Variants in CREB3L2 observed in about 807,000 individuals in gnomAD.
CREB3L2 encodes cyclic AMP-responsive element-binding protein 3-like protein 2.
Under a neutral mutation model 57.2 loss-of-function variants are expected in CREB3L2, and 23 were observed. The observed-to-expected ratio is 0.40, with a 90% CI of 0.29 to 0.57. The LOEUF is 0.57. Among genes scored for constraint, CREB3L2 ranks in the 20% least tolerant of loss-of-function variants. CREB3L2 has a pLI of 0.42. For missense variants in CREB3L2, 628 were observed against 634.7 expected (o/e 0.99, Z 0.11); for synonymous variants, 268 against 265.1 (o/e 1.01, Z -0.11).
Position 137,905,771 on chromosome 7 carries a change from G to A in CREB3L2, c.846C>T (p.Pro282=). Residue 282 remains proline (P), a synonymous_variant, in exon 6 of 12, where the codon CCC becomes CCT. Coordinates refer to ENST00000330387, the MANE Select transcript of CREB3L2 (RefSeq NM_194071.4). ...CTGATTTTGACAGGGGCAATTTGGT[G>A]GGGATGGGATAGCCCTCAGCGATCA... ...RTLIAEGYPI[P]TKLPLSKSEE... 6.2e-7 allele frequency: 1 copy of A among 1,614,036 alleles called. No individual in the cohort carries two copies.
In CREB3L2 at chr7:137,905,737, C is replaced by A. The variant is rs1352193617; in HGVS notation, c.880G>T (p.Ala294Ser). The A allele has an allele frequency of 6.2e-7, 1 of 1,614,010 alleles. No homozygotes were observed. Among genetic ancestry groups the A allele is most frequent in the African/African-American group, 1.3e-5 (1 of 74,910 alleles). The change falls in exon 6 of 12, where the codon GCC (alanine) becomes TCC (serine). Residue 294 changes from alanine to serine, a missense_variant. By Grantham distance (99) the Ala-to-Ser change is moderately conservative. This residue lies in a region of CREB3L2 where 17 missense variants were observed against 36.6 expected (regional missense o/e 0.46). Coordinates refer to ENST00000330387, the MANE Select transcript of CREB3L2 (RefSeq NM_194071.4). ...ATCTTCCTCCGAATTTTCTTCAGGG[C>A]CTTCTCCTCTGATTTTGACAGGGGC... ...KLPLSKSEEK[A>S]LKKIRRKIKN...
At chr7:137,963,761 G>A (rs920569991) in intron 1 of CREB3L2, among the ~76,000 whole-genome samples, 4 of 152,070 alleles carry the variant, frequency 2.6e-5, no homozygotes, top group African/African-American at 9.7e-5. Flanking sequence ...ATTATGTCCA[G>A]GGATAATTAT....
In CREB3L2 at chr7:137,913,033, G is replaced by C; in HGVS notation, c.541C>G (p.Pro181Ala). 1 of 1,613,958 alleles carries C rather than the reference G, an allele frequency of 6.2e-7. No homozygotes were observed. The highest frequency in any genetic ancestry group is 8.5e-7 in the Non-Finnish European group (1 of 1,179,906). ...TTTAGAAACTGATCCACTTCATGAGGCTCCAGCTTAATTTTAGGAATAATG... is the reference window on the plus strand; with the variant it reads ...TTTAGAAACTGATCCACTTCATGAGCCTCCAGCTTAATTTTAGGAATAATG... ...QTIIPKIKLE[P>A]HEVDQFLNFS... Residue 181 changes from proline to alanine, a missense_variant, in exon 4 of 12, where the codon CCT (proline) becomes GCT (alanine). Pro to Ala is a conservative substitution (Grantham distance 27). Transcript: ENST00000330387.
intron 3 of CREB3L2, among the ~76,000 whole-genome samples, chr7:137,914,372 C>T (rs10232374): frequency 0.039 from 5,865 of 152,222 alleles, 196 homozygotes; most frequent in African/African-American, 0.095. Flanking sequence ...TGGCTCACGC[C>T]TGTAATCCCA....
At chr7:137,956,991 C>G (rs144698112) in intron 1 of CREB3L2, among the ~76,000 whole-genome samples, 93 of 152,288 alleles carry the variant, frequency 6.1e-4, no homozygotes, top group African/African-American at 2.1e-3. Flanking sequence ...TGGATTTAAT[C>G]CAATGCCCCC....
intron 2 of CREB3L2, among the ~76,000 whole-genome samples, chr7:137,923,457 G>A (rs915676324): frequency 9.2e-5 from 14 of 152,126 alleles, no homozygotes; most frequent in African/African-American, 1.7e-4. Flanking sequence ...CTCTTTGGCC[G>A]TGCATGACAG....
chr7:137,944,708 C>T (rs1363511321), intron 1 of CREB3L2, among the ~76,000 whole-genome samples: 2 of 152,118 alleles, frequency 1.3e-5, no homozygotes, highest in Non-Finnish European at 2.9e-5. Flanking sequence ...TGTTAATATA[C>T]AGAAATGTCC....
chr7:137,885,353 C>G lies in CREB3L2; in HGVS notation c.1143+50G>C, dbSNP rs1799392639. On this transcript the variant is annotated intron_variant, in intron 9 of 11. Coordinates refer to ENST00000330387, the MANE Select transcript of CREB3L2 (RefSeq NM_194071.4). ...TTGGCAAGTGGAGGGAGAGGGGAGACAGGGGCCAGGCCAGGGGCGGTCACT... is the reference window on the plus strand; with the variant it reads ...TTGGCAAGTGGAGGGAGAGGGGAGAGAGGGGCCAGGCCAGGGGCGGTCACT... 2.7e-6 allele frequency: 4 copies of G among 1,487,348 alleles called. No individual in the cohort carries two copies. In the East Asian group the frequency reaches 9.0e-5, roughly 34 times the overall value. 92.1% of individuals were successfully genotyped at this position (1,487,348 alleles called of 1,614,324 possible).
At chr7:137,928,048 A>AATT in intron 2 of CREB3L2, 102 bp downstream of exon 2, 1 of 888,248 alleles carries the variant, frequency 1.1e-6, no homozygotes, top group Non-Finnish European at 1.8e-6. Context: ...TCTCACTAAT[A>AATT]AGGGTGCTGA....
chr7:137,956,478 A>T, intron 1 of CREB3L2: 1 of 489,074 alleles, frequency 2.0e-6, no homozygotes, highest in Non-Finnish European at 3.6e-6. Flanking sequence ...ATTTGAAGTC[A>T]ATTTCTTCTA....
intron 1 of CREB3L2, among the ~76,000 whole-genome samples, chr7:137,962,061 G>A (rs922431317): frequency 2.0e-5 from 3 of 152,078 alleles, no homozygotes; most frequent in Non-Finnish European, 4.4e-5. Context: ...CGACCCCACC[G>A]AAGTCAGGAC....
In CREB3L2 at chr7:137,912,837, G is replaced by T. The variant is rs1317110968; in HGVS notation, c.583+154C>A. On this transcript the variant is annotated intron_variant, in intron 4 of 11. Coordinates refer to ENST00000330387, the MANE Select transcript of CREB3L2 (RefSeq NM_194071.4). ...TAGCTTGCAAAATTTTTATTTGGAA[G>T]CAAAATTTTTATTTTTTAAGAACAG... The T allele has an allele frequency of 2.6e-6, 4 of 1,525,358 alleles. No homozygotes were observed. The African/African-American group carries it at 5.5e-5, about 21-fold the overall frequency. The allele number at this position is 1,525,358 out of a possible 1,614,324, so 94.5% of individuals were successfully genotyped here.
chr7:137,885,529 G>A (rs773604709), intron 8 of CREB3L2, 27 bp from the exon 9 acceptor site: 2 of 1,559,890 alleles, frequency 1.3e-6, no homozygotes, highest in South Asian at 1.1e-5. Flanking sequence ...CAGCCGTGAG[G>A]GGAGTCTGAC....
intron 8 of CREB3L2, among the ~76,000 whole-genome samples, chr7:137,899,094 AGAGAAGGAAG>A (rs1799690271): frequency 1.5e-5 from 2 of 135,406 alleles, no homozygotes; most frequent in Admixed American, 7.7e-5. Flanking sequence ...GAAAAAGGAA[AGAGAAGGAAG>A]GAAGGAAGGA....
intron 2 of CREB3L2, among the ~76,000 whole-genome samples, chr7:137,921,388 T>C (rs902167198): frequency 1.3e-5 from 2 of 152,216 alleles, no homozygotes; most frequent in Non-Finnish European, 2.9e-5. Flanking sequence ...AACAAGCCAC[T>C]GATCGTGGTG....
intron 4 of CREB3L2, among the ~76,000 whole-genome samples, chr7:137,908,982 C>T (rs949676684): frequency 2.6e-5 from 4 of 152,018 alleles, no homozygotes; most frequent in Admixed American, 6.6e-5. Flanking sequence ...CACCTATAGT[C>T]CCAGCTACTT....
At chr7:137,930,398 C>T (rs909056441) in intron 1 of CREB3L2, among the ~76,000 whole-genome samples, 2 of 152,120 alleles carry the variant, frequency 1.3e-5, no homozygotes, top group African/African-American at 2.4e-5. Flanking sequence ...GTAAGCAATA[C>T]AATTCTTGGG....
intron 2 of CREB3L2, among the ~76,000 whole-genome samples, chr7:137,927,241 G>GGGAAT (rs1554498576): frequency 7.3e-6 from 1 of 136,424 alleles, no homozygotes; most frequent in East Asian, 2.0e-4. Flanking sequence ...AAGGAAGGGA[G>GGGAAT]GGAACGGAAC....
chr7:137,922,506 ACAAT>A (rs142505486), intron 2 of CREB3L2: 26 of 278,226 alleles, frequency 9.3e-5, no homozygotes, highest in Middle Eastern at 4.2e-4. Flanking sequence ...ACACACACAC[ACAAT>A]ATATATATAT....
Sources: allele counts gnomAD v4.1 joint callset (sites outside exome capture counted in the v4.1 genomes callset), GRCh38; gene constraint gnomAD v4.1.1; regional missense constraint gnomAD v4.1.1; transcripts MANE v1.5; gene names NCBI Gene and HGNC (gene_info 2026-07-23, HGNC 2026-07-21).